Variants in CCSER1 observed in about 807,000 individuals in gnomAD.
CCSER1 encodes the protein coiled-coil serine rich protein 1.
In CCSER1, 41 loss-of-function variants were observed where a neutral mutation model predicts 82.0. The ratio of observed to expected loss-of-function variants is 0.50; its 90% confidence interval spans 0.39 to 0.65. The LOEUF (loss-of-function observed/expected upper bound fraction) is 0.65, where lower values mean the gene tolerates loss of function less well. Among genes scored for constraint, CCSER1 ranks in the 30% least tolerant of loss-of-function variants. The pLI, the probability that CCSER1 is intolerant of heterozygous loss-of-function variation, is 0.00. For missense variants in CCSER1, 1,119 were observed against 1,064.2 expected (o/e 1.05, Z -0.72); for synonymous variants, 414 against 383.9 (o/e 1.08, Z -0.92).
intron 8 of CCSER1, among the ~76,000 whole-genome samples, chr4:90,822,672 G>A (rs1759906254): frequency 6.9e-6 from 1 of 145,508 alleles, no homozygotes; most frequent in Non-Finnish European, 1.5e-5. Flanking sequence ...AGGCTGCAGT[G>A]AGCTGATAAC....
At chr4:90,867,390 A>G (rs1439214195) in intron 8 of CCSER1, among the ~76,000 whole-genome samples, 2 of 152,088 alleles carry the variant, frequency 1.3e-5, no homozygotes, top group African/African-American at 4.8e-5. Context: ...ACATGCTTAC[A>G]GTTTTTTAAA....
At chr4:91,153,342 C>A (rs958798856) in intron 10 of CCSER1, among the ~76,000 whole-genome samples, 1 of 151,902 alleles carries the variant, frequency 6.6e-6, no homozygotes, top group Non-Finnish European at 1.5e-5. Flanking sequence ...AGTTCTCATG[C>A]CATGGTTTTC....
At chr4:90,257,560 G>GATAC (rs138485281) in intron 1 of CCSER1, among the ~76,000 whole-genome samples, 2 of 145,060 alleles carry the variant, frequency 1.4e-5, no homozygotes, top group African/African-American at 5.4e-5. Flanking sequence ...TAGATAGATA[G>GATAC]ATACATAGAT....
intron 10 of CCSER1, among the ~76,000 whole-genome samples, chr4:91,241,758 A>G (rs932999678): frequency 1.3e-5 from 2 of 151,924 alleles, no homozygotes; most frequent in African/African-American, 2.4e-5. Flanking sequence ...TTAATGTTCC[A>G]TTTACATTTT....
chr4:91,473,329 CT>C (rs1224611195), intron 10 of CCSER1, among the ~76,000 whole-genome samples: 1 of 152,172 alleles, frequency 6.6e-6, no homozygotes, highest in Non-Finnish European at 1.5e-5. Context: ...TGAAGCAGCT[CT>C]TTGCACAGTT....
At chr4:90,460,770 C>G in intron 4 of CCSER1, among the ~76,000 whole-genome samples, 1 of 152,174 alleles carries the variant, frequency 6.6e-6, no homozygotes. Flanking sequence ...TGGCTCTTCT[C>G]TCACACCCAT....
intron 8 of CCSER1, among the ~76,000 whole-genome samples, chr4:90,915,578 G>T (rs1727233808): frequency 6.6e-6 from 1 of 152,210 alleles, no homozygotes; most frequent in African/African-American, 2.4e-5. Context: ...GGCAAAAACT[G>T]GAAGCATTCC....
intron 1 of CCSER1, among the ~76,000 whole-genome samples, chr4:90,132,915 C>G (rs1375050904): frequency 2.0e-5 from 3 of 152,148 alleles, no homozygotes; most frequent in Non-Finnish European, 2.9e-5. Context: ...AGTTTATTAT[C>G]TAGTGACAAT....
chr4:90,128,570 A>G (rs1361287683), intron 1 of CCSER1, among the ~76,000 whole-genome samples: 2 of 152,084 alleles, frequency 1.3e-5, no homozygotes, highest in Non-Finnish European at 2.9e-5. Context: ...CTGAGCAGAA[A>G]GTCAGCCGTA....
At chr4:91,056,059 CT>C (rs1743417310) in intron 9 of CCSER1, among the ~76,000 whole-genome samples, 10 of 152,078 alleles carry the variant, frequency 6.6e-5, no homozygotes, top group Admixed American at 5.3e-4. Context: ...TTTTTATCTC[CT>C]TATTGATATT....
chr4:90,595,024 GATTTCATCGATCT>G (rs1412726173), intron 5 of CCSER1, among the ~76,000 whole-genome samples: 2 of 151,860 alleles, frequency 1.3e-5, no homozygotes, highest in African/African-American at 4.8e-5. Context: ...CTAATTATTT[GATTTCATCGATCT>G]ATTAACAAGT....
At chr4:91,351,747 A>T (rs949772188) in intron 10 of CCSER1, among the ~76,000 whole-genome samples, 2 of 152,022 alleles carry the variant, frequency 1.3e-5, no homozygotes, top group Non-Finnish European at 2.9e-5. Context: ...TAATTTTTAC[A>T]TTAATGTAAA....
At chr4:90,972,564 G>GA (rs1394359639) in intron 9 of CCSER1, among the ~76,000 whole-genome samples, 4 of 151,526 alleles carry the variant, frequency 2.6e-5, no homozygotes, top group Admixed American at 1.3e-4. Flanking sequence ...TAATGGATTG[G>GA]AAAAAATAAT....
rs1037240748 is a variant in CCSER1, at chr4:90,621,436, A to G, written c.1725-6589A>G. 7.9e-5 allele frequency among the ~76,000 whole-genome samples: 12 copies of G among 151,586 alleles called. No homozygotes were observed. In the East Asian group the frequency reaches 1.2e-3, roughly 15 times the overall value. On this transcript the variant is annotated intron_variant, in intron 5 of 10. Transcript: ENST00000509176. ...ACATAATATTTTTTTCCTTTCAGAA[A>G]TGTTATCAATTGGTTTCCAAGTTTC...
intron 10 of CCSER1, among the ~76,000 whole-genome samples, chr4:91,129,199 TG>T (rs1449886229): frequency 9.9e-5 from 15 of 152,100 alleles, no homozygotes; most frequent in Non-Finnish European, 1.8e-4. Flanking sequence ...AACTTCTGTC[TG>T]TGTTAGTTTG....
At chr4:90,158,349 C>A (rs10212942) in intron 1 of CCSER1, among the ~76,000 whole-genome samples, 101,890 of 152,044 alleles carry the variant, frequency 0.67, 35,036 homozygotes, top group East Asian at 0.85. Context: ...TTGAGGAGGC[C>A]GTCTGCCCGT....
chr4:90,702,121 A>C (rs1256726082), intron 6 of CCSER1, among the ~76,000 whole-genome samples: 1 of 152,114 alleles, frequency 6.6e-6, no homozygotes, highest in South Asian at 2.1e-4. Flanking sequence ...TGTCATAAAT[A>C]GCTCTTATTA....
intron 10 of CCSER1, among the ~76,000 whole-genome samples, chr4:91,203,831 T>G (rs1242569037): frequency 6.6e-6 from 1 of 151,862 alleles, no homozygotes; most frequent in East Asian, 1.9e-4. Flanking sequence ...TTGACCATAC[T>G]GATTACTGTC....
chr4:91,163,822 T>G (rs1731723194), intron 10 of CCSER1, among the ~76,000 whole-genome samples: 1 of 152,180 alleles, frequency 6.6e-6, no homozygotes, highest in Admixed American at 6.5e-5. Flanking sequence ...AGCCTATGTG[T>G]GTCTCTGCAA....
Sources: gnomAD v4.1 joint callset for allele counts (sites outside exome capture counted in the v4.1 genomes callset) on GRCh38, gnomAD v4.1.1 for gene constraint, MANE v1.5 for transcripts, NCBI Gene and HGNC (gene_info 2026-07-23, HGNC 2026-07-21) for gene names.